Variants in THEMIS observed in about 807,000 individuals in gnomAD.
The protein encoded by THEMIS is protein THEMIS.
In THEMIS, 37 loss-of-function variants were observed where a neutral mutation model predicts 52.6. That is an observed-to-expected ratio of 0.70 (90% CI 0.54 to 0.93). The LOEUF (loss-of-function observed/expected upper bound fraction) is 0.93, where lower values mean the gene tolerates loss of function less well. THEMIS is among the 40% of genes least tolerant of loss of function. The pLI, the probability that THEMIS is intolerant of heterozygous loss-of-function variation, is 0.00. For missense variants in THEMIS, 808 were observed against 763.1 expected (o/e 1.06, Z -0.69); for synonymous variants, 292 against 272.7 (o/e 1.07, Z -0.70).
intron 3 of THEMIS, among the ~76,000 whole-genome samples, chr6:127,817,575 T>C (rs1778179935): frequency 6.6e-6 from 1 of 152,130 alleles, no homozygotes. Context: ...AATCATGATA[T>C]AGATGCCTAA....
rs1006280658 is a variant in THEMIS, at chr6:127,914,381, A to G, written c.-150+4047T>C. Reference sequence around the variant, plus strand: ...TAAATTCCTAAGGGACGATTTCATTATGAAACATAGTCATGTGTCACTTAA... The same window carrying G: ...TAAATTCCTAAGGGACGATTTCATTGTGAAACATAGTCATGTGTCACTTAA... On this transcript the variant is annotated intron_variant, in intron 1 of 6. Transcript: ENST00000368250. Among the ~76,000 whole-genome samples, 5 of 152,192 alleles carry G rather than the reference A, an allele frequency of 3.3e-5. No individual in the cohort carries two copies. The East Asian group carries it at 7.7e-4, about 23-fold the overall frequency.
chr6:127,782,900 T>C (rs999409611), intron 4 of THEMIS, among the ~76,000 whole-genome samples: 12 of 152,160 alleles, frequency 7.9e-5, no homozygotes, highest in African/African-American at 2.4e-4. Flanking sequence ...TTAAATTTCA[T>C]ATGGAACCAA....
chr6:127,696,978 A>C, the THEMIS span, among the ~76,000 whole-genome samples: 1 of 152,020 alleles, frequency 6.6e-6, no homozygotes, highest in Non-Finnish European at 1.5e-5. Flanking sequence ...GCACAATTCA[A>C]CTCAAAATAT....
intron 1 of THEMIS, among the ~76,000 whole-genome samples, chr6:127,876,756 A>C (rs778846198): frequency 6.6e-6 from 1 of 152,236 alleles, no homozygotes; most frequent in Admixed American, 6.5e-5. Context: ...AACGAAAGCA[A>C]TTAACTATGG....
chr6:127,742,862 A>G (rs1327055593), intron 4 of THEMIS, among the ~76,000 whole-genome samples: 1 of 152,186 alleles, frequency 6.6e-6, no homozygotes, highest in Non-Finnish European at 1.5e-5. Context: ...TGATGGTTCC[A>G]TAACAATGTG....
rs71028110 is a variant in THEMIS, at chr6:127,862,428, A to ATTTTTTTTTT, written c.92-7250_92-7241dup. ...GCAGGTGAAATCTCCTAGGGAGTAA[A>ATTTTTTTTTT]TTTTTTTTTTTTTTTTTTTTTTGCT... is the stretch of plus-strand genomic sequence containing the variant. On this transcript the variant is annotated intron_variant, in intron 1 of 5. Transcript: ENST00000368248. 4.8e-4 allele frequency among the ~76,000 whole-genome samples: 35 copies of ATTTTTTTTTT among 72,784 alleles called. 3 individuals carry two copies. The highest frequency in any genetic ancestry group is 6.8e-4 in the Non-Finnish European group (24 of 35,414). 47.7% of individuals were successfully genotyped at this position (72,784 alleles called of 152,430 possible).
intron 4 of THEMIS, among the ~76,000 whole-genome samples, chr6:127,792,436 G>A (rs1028409424): frequency 6.6e-6 from 1 of 152,072 alleles, no homozygotes; most frequent in Non-Finnish European, 1.5e-5. Flanking sequence ...ACAGGGTTCT[G>A]TTACATGGGT....
intron 4 of THEMIS, among the ~76,000 whole-genome samples, chr6:127,777,339 C>T (rs1483246942): frequency 2.0e-5 from 3 of 152,072 alleles, no homozygotes; most frequent in Non-Finnish European, 4.4e-5. Flanking sequence ...TTTAGGTTTA[C>T]AATATTGGTT....
chr6:127,794,334 C>T (rs1426895646), intron 4 of THEMIS, among the ~76,000 whole-genome samples: 1 of 152,150 alleles, frequency 6.6e-6, no homozygotes, highest in Non-Finnish European at 1.5e-5. Context: ...TATGTCATTT[C>T]TCCACTCAAT....
chr6:127,849,459 G>T (rs1385484544), intron 2 of THEMIS, among the ~76,000 whole-genome samples: 3 of 151,690 alleles, frequency 2.0e-5, no homozygotes, highest in Non-Finnish European at 2.9e-5. Context: ...TCCCCATCAA[G>T]CTACCAATGA....
intron 1 of THEMIS, among the ~76,000 whole-genome samples, chr6:127,896,736 A>G (rs1446795393): frequency 6.6e-6 from 1 of 151,586 alleles, no homozygotes; most frequent in African/African-American, 2.4e-5. Context: ...CATCAGGAAG[A>G]TTTTCAAAAA....
chr6:127,832,476 T>C (rs1404257032), intron 2 of THEMIS, among the ~76,000 whole-genome samples: 1 of 152,218 alleles, frequency 6.6e-6, no homozygotes, highest in African/African-American at 2.4e-5. Flanking sequence ...CATGTTGTAG[T>C]TGTTGTTTTA....
intron 3 of THEMIS, among the ~76,000 whole-genome samples, chr6:127,820,165 T>C (rs974230548): frequency 1.3e-5 from 2 of 152,036 alleles, no homozygotes; most frequent in Admixed American, 6.6e-5. Flanking sequence ...ATAATTGATA[T>C]GCTAAGAGAA....
At position 127,870,103 on chromosome 6, in the gene THEMIS, C is replaced by T. The variant is rs562908953; in HGVS notation, c.92-14915G>A. On this transcript the variant is annotated intron_variant, in intron 1 of 5. Transcript: ENST00000368248. ...AGGAGGAGAGCCTGGACTTCCACTC[C>T]CATTCGTAAGCACTGATATGTCCTT... 9.8e-5 allele frequency among the ~76,000 whole-genome samples: 15 copies of T among 152,294 alleles called. 1 individual carries two copies. Among genetic ancestry groups the T allele is most frequent in the African/African-American group, 3.1e-4 (13 of 41,566 alleles).
intron 4 of THEMIS, among the ~76,000 whole-genome samples, chr6:127,801,705 C>A (rs114876497): frequency 9.9e-5 from 15 of 152,104 alleles, no homozygotes; most frequent in Admixed American, 9.8e-4. Flanking sequence ...CCTGAGGCAA[C>A]GGTGATGGCC....
chr6:127,709,898 G>T lies in THEMIS; in HGVS notation c.*87C>A. ...CAAGTTTCTTCTGGAGTCCATTGGG[G>T]AATACTCGTTTTTCAGCTAGAAGGC... is the stretch of plus-strand genomic sequence containing the variant. On this transcript the variant is annotated 3_prime_UTR_variant, in exon 6 of 6. Transcript: ENST00000368248. 8.5e-7 allele frequency: 1 copy of T among 1,182,402 alleles called. No homozygotes were observed. 73.2% of individuals were successfully genotyped at this position (1,182,402 alleles called of 1,614,324 possible).
At chr6:127,898,538 C>T (rs9375539) in intron 1 of THEMIS, among the ~76,000 whole-genome samples, 10,269 of 151,630 alleles carry the variant, frequency 0.068, 989 homozygotes, top group East Asian at 0.38. Flanking sequence ...AACGTTTATA[C>T]TCGATGGGAA....
intron 1 of THEMIS, among the ~76,000 whole-genome samples, chr6:127,872,416 A>G (rs1341925093): frequency 8.5e-5 from 13 of 152,082 alleles, no homozygotes; most frequent in Non-Finnish European, 1.5e-4. Flanking sequence ...TACTAAAAAG[A>G]CAAAAATTAG....
At chr6:127,862,935 T>G (rs1779856568) in intron 1 of THEMIS, among the ~76,000 whole-genome samples, 1 of 152,170 alleles carries the variant, frequency 6.6e-6, no homozygotes, top group African/African-American at 2.4e-5. Flanking sequence ...CAGGTATTAA[T>G]TATGCCCAGC....
Sources: allele counts gnomAD v4.1 joint callset (sites outside exome capture counted in the v4.1 genomes callset), GRCh38; gene constraint gnomAD v4.1.1; transcripts MANE v1.5; gene names NCBI Gene and HGNC (gene_info 2026-07-23, HGNC 2026-07-21).